RASSF9: variants seen among roughly 807,000 people sequenced by gnomAD.
RASSF9 encodes Ras association domain family member 9.
In RASSF9, 18 loss-of-function variants were observed where a neutral mutation model predicts 21.4. The observed-to-expected ratio is 0.84, with a 90% confidence interval of 0.58 to 1.25. The LOEUF is 1.25. Among genes scored for constraint, RASSF9 ranks in the 50% most tolerant of loss-of-function variants. RASSF9 has a pLI of 0.00. For synonymous variants in RASSF9, 183 were observed against 179.1 expected (o/e 1.02, Z -0.18); for missense variants, 480 against 503.2 (o/e 0.95, Z 0.44).
intron 1 of RASSF9, among the ~76,000 whole-genome samples, chr12:85,828,288 T>C (rs1000804641): frequency 6.6e-6 from 1 of 152,128 alleles, no homozygotes; most frequent in African/African-American, 2.4e-5. Context: ...GGTTTTCTAG[T>C]ATCTAATAGC....
intron 1 of RASSF9, among the ~76,000 whole-genome samples, chr12:85,824,159 A>G (rs562088291): frequency 3.9e-5 from 6 of 152,086 alleles, no homozygotes; most frequent in Non-Finnish European, 8.8e-5. Flanking sequence ...AGACACCTCA[A>G]ATTTGACCCA....
At position 85,824,046 on chromosome 12, in the gene RASSF9, A is replaced by T. The variant is rs181304950; in HGVS notation, c.47+12109T>A. The stretch of plus-strand genomic sequence containing the variant: ...TAGTTGCAGTCTGTAAACCAATTGT[A>T]TGATGATGGTTCTCAAATCTAACTA... On this transcript the variant is annotated intron_variant, in intron 1 of 1. Transcript: ENST00000361228. Among the ~76,000 whole-genome samples the T allele has an allele frequency of 1.1e-3, 168 of 152,342 alleles. 1 individual carries two copies. The highest frequency in any genetic ancestry group is 0.011 in the Admixed American group (162 of 15,300).
In RASSF9 at chr12:85,805,540, T is replaced by C. The variant is rs375189920; in HGVS notation, c.470A>G (p.Gln157Arg). 1 of 1,613,852 alleles carries C rather than the reference T, an allele frequency of 6.2e-7. No homozygotes were observed. The highest frequency in any genetic ancestry group is 1.3e-5 in the African/African-American group (1 of 74,930). ...GAAAGTTTTCCTGACTATTCTTTTT[T>C]GTTTATCTGGTGGTAAAGTCTTCAT... Reference protein sequence around the residue: ...NYMKTLPPDKQKRIVRKTFRK... With the variant: ...NYMKTLPPDKRKRIVRKTFRK... The change falls in exon 2 of 2, where the codon CAA (glutamine) becomes CGA (arginine). Residue 157 changes from glutamine to arginine, a missense_variant. By Grantham distance (43) the Gln-to-Arg change is conservative. Transcript: ENST00000361228.
chr12:85,828,160 GATATAA>G (rs1174869950), intron 1 of RASSF9, among the ~76,000 whole-genome samples: 37 of 151,864 alleles, frequency 2.4e-4, no homozygotes, highest in Non-Finnish European at 3.7e-4. Flanking sequence ...AATATAACTC[GATATAA>G]ATATATATGT....
At position 85,805,122 on chromosome 12, in the gene RASSF9, A is replaced by G. The variant is rs1879790582; in HGVS notation, c.888T>C (p.Ile296=). ...CCCCTTCCGCATCTTCATTTATATCAATGCAAACACTTTTTACCTCTTTTT... is the reference window on the plus strand; with the variant it reads ...CCCCTTCCGCATCTTCATTTATATCGATGCAAACACTTTTTACCTCTTTTT... ...EIEKEVKSVC[I]DINEDAEGEA... The change falls in exon 2 of 2, where the codon ATT becomes ATC. Residue 296 remains isoleucine (I), a synonymous_variant. Coordinates refer to ENST00000361228, the MANE Select transcript of RASSF9 (RefSeq NM_005447.4). The G allele has an allele frequency of 6.2e-7, 1 of 1,613,774 alleles. No homozygotes were observed. The highest frequency in any genetic ancestry group is 8.5e-7 in the Non-Finnish European group (1 of 1,179,878).
At chr12:85,825,033 T>C (rs960803439) in intron 1 of RASSF9, among the ~76,000 whole-genome samples, 1 of 152,118 alleles carries the variant, frequency 6.6e-6, no homozygotes, top group Non-Finnish European at 1.5e-5. Context: ...AGAGGAAGTC[T>C]CACTCCGTGA....
chr12:85,809,276 T>C (rs971676286), intron 1 of RASSF9, among the ~76,000 whole-genome samples: 2 of 152,098 alleles, frequency 1.3e-5, no homozygotes, highest in Non-Finnish European at 2.9e-5. Flanking sequence ...TTGGAAATAA[T>C]ATGAACCACT....
intron 1 of RASSF9, among the ~76,000 whole-genome samples, chr12:85,817,372 T>C (rs1210742355): frequency 2.0e-5 from 3 of 152,114 alleles, no homozygotes; most frequent in South Asian, 4.1e-4. Flanking sequence ...GCAACTACAA[T>C]TGGTTTACCT....
Position 85,822,581 on chromosome 12 carries a change from A to ATT in RASSF9, c.47+13573_47+13574insAA, listed in dbSNP as rs1880235575. Reference sequence around the variant, plus strand: ...AAAAGGAGAGATATTATTCTTGGGAACATTATTGATAAGAGAAAAATACTA... The same window carrying ATT: ...AAAAGGAGAGATATTATTCTTGGGAATTCATTATTGATAAGAGAAAAATACTA... On this transcript the variant is annotated intron_variant, in intron 1 of 1. Transcript: ENST00000361228. Among the ~76,000 whole-genome samples the ATT allele has an allele frequency of 7.2e-5, 11 of 152,302 alleles. No homozygotes were observed. In the South Asian group the frequency reaches 1.7e-3, roughly 23 times the overall value.
chr12:85,809,696 ATGATGATGATGATGATGT>A (rs1398598841), intron 1 of RASSF9, among the ~76,000 whole-genome samples: 3 of 121,272 alleles, frequency 2.5e-5, no homozygotes, highest in African/African-American at 9.8e-5. Context: ...GATGATGATG[ATGATGATGATGATGATGT>A]ATGTGACAAT....
At chr12:85,830,135 A>G (rs973732048) in intron 1 of RASSF9, among the ~76,000 whole-genome samples, 2 of 152,132 alleles carry the variant, frequency 1.3e-5, no homozygotes, top group Non-Finnish European at 2.9e-5. Context: ...GGTCTGTGGA[A>G]TCCATTCAGT....
At position 85,804,953 on chromosome 12, in the gene RASSF9, T is replaced by G. The variant is rs76271227; in HGVS notation, c.1057A>C (p.Lys353Gln). 5.0e-4 allele frequency: 811 copies of G among 1,613,886 alleles called. 3 individuals carry two copies. In the African/African-American group the frequency reaches 0.01, roughly 20 times the overall value. ...IKYSDSLLQMKAKEYELLAKE... is the reference protein window; with the variant it reads ...IKYSDSLLQMQAKEYELLAKE... ...GCCAGGAGTTCATATTCTTTTGCTT[T>G]CATCTGAAGCAATGAGTCACTGTAT... Residue 353 changes from lysine to glutamine, a missense_variant, in exon 2 of 2, where the codon AAA (lysine) becomes CAA (glutamine). Transcript: ENST00000361228.
chr12:85,820,001 G>A (rs1880171126), intron 1 of RASSF9, among the ~76,000 whole-genome samples: 1 of 152,164 alleles, frequency 6.6e-6, no homozygotes, highest in South Asian at 2.1e-4. Context: ...ATAAGTCAAT[G>A]TTTTGATGTT....
In RASSF9 at chr12:85,805,196, G is replaced by T. The variant is rs1053694318; in HGVS notation, c.814C>A (p.Arg272=). The change falls in exon 2 of 2, where the codon CGA becomes AGA. Residue 272 remains arginine (R), a synonymous_variant. Coordinates refer to ENST00000361228, the MANE Select transcript of RASSF9 (RefSeq NM_005447.4). ...ATGAGTATTCGGTAATATTTCAGTC[G>T]TTCTTCCAGCTGTTCAATTCCATCA... ...ESDGIEQLEE[R]LKYYRILIDK... The T allele has an allele frequency of 1.2e-6, 2 of 1,613,732 alleles. No homozygotes were observed. Among genetic ancestry groups the T allele is most frequent in the Non-Finnish European group, 1.7e-6 (2 of 1,179,880 alleles).
intron 1 of RASSF9, among the ~76,000 whole-genome samples, chr12:85,807,191 C>G (rs572202138): frequency 6.6e-6 from 1 of 152,182 alleles, no homozygotes; most frequent in South Asian, 2.1e-4. Flanking sequence ...GGAAAGAATT[C>G]CAGGAACAAT....
intron 1 of RASSF9, among the ~76,000 whole-genome samples, chr12:85,824,586 A>G (rs1379950788): frequency 6.6e-6 from 1 of 152,156 alleles, no homozygotes; most frequent in Non-Finnish European, 1.5e-5. Context: ...AACTATTTCT[A>G]AGTCCTGCAT....
intron 1 of RASSF9, among the ~76,000 whole-genome samples, chr12:85,808,543 A>T (rs1467214624): frequency 1.3e-5 from 2 of 152,110 alleles, no homozygotes; most frequent in Non-Finnish European, 2.9e-5. Context: ...GTAGAGATAT[A>T]AGACACAAAT....
chr12:85,825,131 T>C (rs1182285613), intron 1 of RASSF9, among the ~76,000 whole-genome samples: 1 of 152,106 alleles, frequency 6.6e-6, no homozygotes. Flanking sequence ...CCCTCCCTGG[T>C]AGCTAGGATT....
Position 85,804,756 on chromosome 12 carries a change from G to A in RASSF9, c.1254C>T (p.Asn418=), listed in dbSNP as rs965637894. The A allele has an allele frequency of 5.0e-6, 8 of 1,613,726 alleles. No homozygotes were observed. The highest frequency in any genetic ancestry group is 6.8e-6 in the Non-Finnish European group (8 of 1,179,782). Residue 418 remains asparagine, a synonymous_variant, in exon 2 of 2, where the codon AAC becomes AAT. Coordinates refer to ENST00000361228, the MANE Select transcript of RASSF9 (RefSeq NM_005447.4). ...DTDSDTGISS[N]HSQDSETTVG... is the part of the protein sequence containing the mutation. ...CTGTTGTTTCGGAGTCCTGACTGTGGTTAGAACTGATACCAGTGTCCGAGT... is the reference window on the plus strand; with the variant it reads ...CTGTTGTTTCGGAGTCCTGACTGTGATTAGAACTGATACCAGTGTCCGAGT...
Sources: gnomAD v4.1 joint callset for allele counts (sites outside exome capture counted in the v4.1 genomes callset) on GRCh38, gnomAD v4.1.1 for gene constraint, MANE v1.5 for transcripts, NCBI Gene and HGNC (gene_info 2026-07-23, HGNC 2026-07-21) for gene names.